The following EPB41L3 variants were observed in gnomAD, a reference collection of about 807,000 sequenced individuals.
EPB41L3 encodes the protein band 4.1-like protein 3.
Under a neutral mutation model 127.1 loss-of-function variants are expected in EPB41L3, and 57 were observed. The ratio of observed to expected loss-of-function variants is 0.45; its 90% CI spans 0.36 to 0.56. The LOEUF is 0.56. Among genes scored for constraint, EPB41L3 ranks in the 20% least tolerant of loss-of-function variants. EPB41L3 has a pLI of 0.00. For synonymous variants in EPB41L3, 572 were observed against 549.5 expected (o/e 1.04, Z -0.57); for missense variants, 1,273 against 1,372.2 (o/e 0.93, Z 1.14).
intron 1 of EPB41L3, among the ~76,000 whole-genome samples, chr18:5,499,745 C>T (rs1038676765): frequency 5.3e-5 from 8 of 151,026 alleles, no homozygotes; most frequent in Admixed American, 1.3e-4. Context: ...CAAGCCTGGG[C>T]GACAGAGCAA....
chr18:5,489,297 G>A, intron 1 of EPB41L3, 103 bp from the exon 2 acceptor site: 1 of 1,351,924 alleles, frequency 7.4e-7, no homozygotes, highest in African/African-American at 1.5e-5. Context: ...GAACCACAGA[G>A]AGGGAGATGC....
intron 14 of EPB41L3, among the ~76,000 whole-genome samples, chr18:5,409,664 GTT>G (rs1291713812): frequency 6.7e-6 from 1 of 149,978 alleles, no homozygotes; most frequent in Non-Finnish European, 1.5e-5. Context: ...AATATTTTTA[GTT>G]TTTTCTAAAT....
intron 3 of EPB41L3, among the ~76,000 whole-genome samples, chr18:5,477,679 C>T (rs771152914): frequency 2.6e-5 from 4 of 152,128 alleles, no homozygotes; most frequent in African/African-American, 9.7e-5. Flanking sequence ...GGCATTCAAC[C>T]GCCCTTTCTC....
At chr18:5,434,625 T>C (rs2079479929) in intron 6 of EPB41L3, among the ~76,000 whole-genome samples, 1 of 152,322 alleles carries the variant, frequency 6.6e-6, no homozygotes. Context: ...CTTAGTGACG[T>C]CATAGCTATC....
At chr18:5,626,030 A>G (rs781609524) in intron 1 of EPB41L3, among the ~76,000 whole-genome samples, 16 of 151,810 alleles carry the variant, frequency 1.1e-4, no homozygotes, top group Non-Finnish European at 1.9e-4. Context: ...ATCAGCCCCA[A>G]TTATATTCAG....
chr18:5,513,328 A>C (rs950376878), intron 1 of EPB41L3, among the ~76,000 whole-genome samples: 2 of 152,200 alleles, frequency 1.3e-5, no homozygotes, highest in Non-Finnish European at 2.9e-5. Flanking sequence ...CAAATCTACT[A>C]TGTAGAGAAA....
intron 6 of EPB41L3, 81 bp from the exon 7 acceptor site, chr18:5,434,202 C>G: frequency 9.3e-7 from 1 of 1,074,274 alleles, no homozygotes. Context: ...AAATCGTGGG[C>G]AAATAATTTC....
intron 6 of EPB41L3, among the ~76,000 whole-genome samples, chr18:5,436,082 CTT>C (rs2079738743): frequency 6.6e-6 from 1 of 152,074 alleles, no homozygotes; most frequent in South Asian, 2.1e-4. Context: ...CGTTATTTTG[CTT>C]TTGAGACTTA....
At chr18:5,565,173 G>A (rs1167461180) in intron 3 of EPB41L3, among the ~76,000 whole-genome samples, 4 of 151,610 alleles carry the variant, frequency 2.6e-5, no homozygotes, top group Admixed American at 2.0e-4. Context: ...AAGGCAGGTG[G>A]ATCACTTGAG....
At chr18:5,538,010 A>G (rs1208362969) in intron 1 of EPB41L3, among the ~76,000 whole-genome samples, 1 of 152,156 alleles carries the variant, frequency 6.6e-6, no homozygotes. Flanking sequence ...AAGATTCATG[A>G]CACTGATTAT....
At chr18:5,626,711 G>A (rs974790978) in intron 1 of EPB41L3, among the ~76,000 whole-genome samples, 1 of 152,180 alleles carries the variant, frequency 6.6e-6, no homozygotes, top group Non-Finnish European at 1.5e-5. Context: ...GCCCAGAGTG[G>A]ACTGTGACTT....
At chr18:5,462,530 C>T (rs573664411) in intron 3 of EPB41L3, among the ~76,000 whole-genome samples, 7 of 152,226 alleles carry the variant, frequency 4.6e-5, no homozygotes, top group East Asian at 3.9e-4. Flanking sequence ...GACCCTCATA[C>T]GGTCACAATC....
chr18:5,617,749 G>C (rs1428678484), intron 1 of EPB41L3, among the ~76,000 whole-genome samples: 1 of 152,188 alleles, frequency 6.6e-6, no homozygotes, highest in Non-Finnish European at 1.5e-5. Context: ...AAAAAATGTA[G>C]TTTTATTTGA....
intron 3 of EPB41L3, among the ~76,000 whole-genome samples, chr18:5,607,702 T>G (rs2094676401): frequency 6.6e-6 from 1 of 152,200 alleles, no homozygotes; most frequent in African/African-American, 2.4e-5. Flanking sequence ...TACCATCAGG[T>G]GCAAAGTTCT....
intron 3 of EPB41L3, among the ~76,000 whole-genome samples, chr18:5,594,749 A>G (rs1186218793): frequency 6.6e-6 from 1 of 152,218 alleles, no homozygotes; most frequent in Non-Finnish European, 1.5e-5. Context: ...CTAGCAGTGA[A>G]TACTAAGGAT....
In EPB41L3 at chr18:5,398,101, T is replaced by C; in HGVS notation, c.2392A>G (p.Ile798Val). ...SGEKLMDGSE[I>V]FSLLESARKP... is the part of the protein sequence containing the mutation. ...CGCGCAGACTCTAATAAACTGAAGA[T>C]TTCAGAGCCATCCATGAGCTTTTCC... The change falls in exon 17 of 23, where the codon ATC (isoleucine) becomes GTC (valine). Residue 798 changes from isoleucine (I) to valine (V), a missense_variant. Transcript: ENST00000341928. 2 of 1,614,138 alleles carry C rather than the reference T, an allele frequency of 1.2e-6. No homozygotes were observed. Among genetic ancestry groups the C allele is most frequent in the Non-Finnish European group, 1.7e-6 (2 of 1,180,024 alleles).
chr18:5,607,230 T>A (rs2094668504), intron 3 of EPB41L3, among the ~76,000 whole-genome samples: 2 of 152,148 alleles, frequency 1.3e-5, no homozygotes. Context: ...CCTGTCTCTC[T>A]GGAGTCAGAT....
At chr18:5,425,430 T>C (rs1192966777) in intron 9 of EPB41L3, among the ~76,000 whole-genome samples, 1 of 152,172 alleles carries the variant, frequency 6.6e-6, no homozygotes, top group Admixed American at 6.5e-5. Flanking sequence ...ATAGTGTGGC[T>C]TGTGACTAAA....
chr18:5,568,793 GAT>G (rs1275901167), intron 3 of EPB41L3, among the ~76,000 whole-genome samples: 2 of 152,174 alleles, frequency 1.3e-5, no homozygotes, highest in Admixed American at 1.3e-4. Flanking sequence ...GTTGTTGCAG[GAT>G]ATGTTTTGTT....
Sources: allele counts gnomAD v4.1 joint callset (sites outside exome capture counted in the v4.1 genomes callset), GRCh38; gene constraint gnomAD v4.1.1; transcripts MANE v1.5; gene names NCBI Gene and HGNC (gene_info 2026-07-23, HGNC 2026-07-21).